PLAC1: variants seen among roughly 807,000 people sequenced by gnomAD.
The protein encoded by PLAC1 is placenta-specific protein 1.
For missense variants in PLAC1, 136 were observed against 163.2 expected, an observed-to-expected ratio of 0.83 and a Z score of 0.91; for synonymous variants, 68 against 62.1, an observed-to-expected ratio of 1.09 and a Z score of -0.44.
intron 1 of PLAC1, among the ~76,000 whole-genome samples, chrX:134,755,320 T>G (rs985402713): frequency 2.0e-4 from 23 of 112,688 alleles, no homozygotes; most frequent in Non-Finnish European, 4.3e-4. Flanking sequence ...ATAAGTACTC[T>G]GTAGTTTGTT....
At chrX:134,702,214 C>T in intron 2 of PLAC1, among the ~76,000 whole-genome samples, 1 of 112,030 alleles carries the variant, frequency 8.9e-6, no homozygotes, top group Non-Finnish European at 1.9e-5. Flanking sequence ...AACAGAACTA[C>T]CATTTATTTG....
At chrX:134,741,296 C>A (rs2078716372) in intron 1 of PLAC1, among the ~76,000 whole-genome samples, 1 of 111,571 alleles carries the variant, frequency 9.0e-6, no homozygotes, top group African/African-American at 3.3e-5. Flanking sequence ...AAAAGTATAC[C>A]CGTAACGAAT....
intron 1 of PLAC1, among the ~76,000 whole-genome samples, chrX:134,753,816 T>A (rs1239711535): frequency 8.9e-6 from 1 of 111,861 alleles, no homozygotes; most frequent in African/African-American, 3.3e-5. Context: ...CACACTCAGA[T>A]CCACACTGAC....
intron 1 of PLAC1, among the ~76,000 whole-genome samples, chrX:134,633,533 G>T (rs187127288): frequency 1.8e-5 from 2 of 111,688 alleles, no homozygotes; most frequent in East Asian, 5.6e-4. Context: ...CTGTTGGTCA[G>T]GGCTAATTTG....
intron 1 of PLAC1, among the ~76,000 whole-genome samples, chrX:134,621,356 G>C (rs1220948453): frequency 1.0e-5 from 1 of 96,956 alleles, no homozygotes; most frequent in Non-Finnish European, 2.0e-5. Flanking sequence ...TGAGGCAGGA[G>C]AATCGCTTGA....
intron 2 of PLAC1, among the ~76,000 whole-genome samples, chrX:134,574,683 C>T (rs965830108): frequency 9.0e-6 from 1 of 111,685 alleles, no homozygotes; most frequent in Admixed American, 9.6e-5. Flanking sequence ...AAGTCGTCCT[C>T]TGGAAAGAAG....
Position 134,566,008 on chromosome X carries a change from A to G in PLAC1, c.*36T>C. The G allele has an allele frequency of 1.7e-6, 2 of 1,143,568 alleles. No homozygotes were observed. Among genetic ancestry groups the G allele is most frequent in the South Asian group, 1.9e-5 (1 of 53,064 alleles). 94.2% of individuals were successfully genotyped at this position (1,143,568 alleles called of 1,213,427 possible). A position where few individuals can be genotyped will look rare whatever the true frequency, so the allele number is the denominator to read the frequency against. On this transcript the variant is annotated 3_prime_UTR_variant, in exon 3 of 3. Coordinates refer to ENST00000359237, the MANE Select transcript of PLAC1 (RefSeq NM_021796.4). ...CATTTGTACACTATATACTAATTCT[A>G]GAAATAGCATCTTCAGGAGACCCCA... is the stretch of plus-strand genomic sequence containing the variant.
upstream of PLAC1, among the ~76,000 whole-genome samples, chrX:134,662,509 T>C (rs2078419825): frequency 8.9e-6 from 1 of 112,428 alleles, no homozygotes; most frequent in Non-Finnish European, 1.9e-5. Flanking sequence ...TAATCTATTG[T>C]TGTGTTGATT....
intron 1 of PLAC1, chrX:134,607,028 C>T (rs996596861): frequency 8.9e-6 from 1 of 112,258 alleles, no homozygotes; most frequent in African/African-American, 3.2e-5. Context: ...TACATCTGTA[C>T]AAAATATTTT....
chrX:134,756,164 T>C (rs1413360675), intron 1 of PLAC1, among the ~76,000 whole-genome samples: 1 of 111,053 alleles, frequency 9.0e-6, no homozygotes, highest in Non-Finnish European at 1.9e-5. Flanking sequence ...ATCATCTTTC[T>C]TTTGACTTTG....
At chrX:134,685,049 C>T (rs1405967396) in intron 2 of PLAC1, among the ~76,000 whole-genome samples, 1 of 112,255 alleles carries the variant, frequency 8.9e-6, no homozygotes, top group Non-Finnish European at 1.9e-5. Flanking sequence ...CTCCAGAGGG[C>T]CTCAGCAGAG....
chrX:134,587,790 G>A (rs1395588483), intron 2 of PLAC1, among the ~76,000 whole-genome samples: 1 of 111,859 alleles, frequency 8.9e-6, no homozygotes, highest in Non-Finnish European at 1.9e-5. Flanking sequence ...ATTCATGGTG[G>A]CCTCTGCCGT....
At chrX:134,646,366 T>G (rs1189624741) in intron 1 of PLAC1, among the ~76,000 whole-genome samples, 2 of 112,479 alleles carry the variant, frequency 1.8e-5, no homozygotes. Flanking sequence ...CTAATTACCC[T>G]TACTCAGCTA....
At chrX:134,653,333 C>T (rs1187359594) in intron 1 of PLAC1, among the ~76,000 whole-genome samples, 1 of 112,374 alleles carries the variant, frequency 8.9e-6, no homozygotes, top group African/African-American at 3.2e-5. Flanking sequence ...CATCACTACC[C>T]ACCCTTCTCC....
chrX:134,726,800 C>A (rs756814279), intron 2 of PLAC1, among the ~76,000 whole-genome samples: 30 of 78,129 alleles, frequency 3.8e-4, no homozygotes, highest in African/African-American at 1.5e-3. Flanking sequence ...TCCAGCCTTG[C>A]GACAGAGCAA....
At chrX:134,718,541 C>G (rs956149598) in intron 2 of PLAC1, among the ~76,000 whole-genome samples, 6 of 111,990 alleles carry the variant, frequency 5.4e-5, no homozygotes, top group Non-Finnish European at 7.5e-5. Flanking sequence ...AACAAGAACA[C>G]GTGGCTCAAG....
chrX:134,604,243 A>T (rs2078111687), intron 1 of PLAC1, among the ~76,000 whole-genome samples: 1 of 112,858 alleles, frequency 8.9e-6, no homozygotes, highest in Admixed American at 9.3e-5. Context: ...TGACATAAGC[A>T]TGTATGATGC....
chrX:134,613,470 G>A (rs1392332362), intron 1 of PLAC1, among the ~76,000 whole-genome samples: 2 of 110,794 alleles, frequency 1.8e-5, no homozygotes, highest in Non-Finnish European at 3.8e-5. Context: ...TTGCACATAA[G>A]TTAGGGCAGT....
At chrX:134,602,492 G>C (rs2078093511) in intron 1 of PLAC1, among the ~76,000 whole-genome samples, 1 of 112,506 alleles carries the variant, frequency 8.9e-6, no homozygotes, top group Non-Finnish European at 1.9e-5. Flanking sequence ...GGATGATGGT[G>C]CAAGAAGTAG....
Sources: allele counts gnomAD v4.1 joint callset (sites outside exome capture counted in the v4.1 genomes callset), GRCh38; gene constraint gnomAD v4.1.1; transcripts MANE v1.5; gene names NCBI Gene and HGNC (gene_info 2026-07-23, HGNC 2026-07-21).